Variants in SV2B observed in about 807,000 individuals in gnomAD.
The protein encoded by SV2B is solute carrier family 22 member B2.
A neutral mutation model predicts 73.9 loss-of-function variants in SV2B; 41 were observed. The observed-to-expected ratio is 0.56, with a 90% CI of 0.43 to 0.72. SV2B has a LOEUF of 0.72. Among genes scored for constraint, SV2B ranks in the 30% least tolerant of loss-of-function variants. SV2B has a pLI of 0.00. For missense variants in SV2B, 764 were observed against 857.8 expected (o/e 0.89, Z 1.37); for synonymous variants, 314 against 314.2 (o/e 1.00, Z 0.01).
chr15:91,134,799 C>T (rs114143965), intron 1 of SV2B, among the ~76,000 whole-genome samples: 2,148 of 152,210 alleles, frequency 0.014, 44 homozygotes, highest in African/African-American at 0.05. Context: ...AAAACAACAG[C>T]GACAACAAAA....
At chr15:91,247,942 G>A (rs965576454) in intron 2 of SV2B, among the ~76,000 whole-genome samples, 5 of 152,040 alleles carry the variant, frequency 3.3e-5, no homozygotes, top group Non-Finnish European at 7.4e-5. Flanking sequence ...TTTTTGTTAA[G>A]GATATCTTTA....
rs138553070 is a variant in SV2B, at chr15:91,102,793, T to G, written c.-392+2430T>G. Among the ~76,000 whole-genome samples, 976 of 152,288 alleles carry G rather than the reference T, an allele frequency of 6.4e-3. 10 individuals are homozygous for G. Among genetic ancestry groups the G allele is most frequent in the African/African-American group, 0.021 (871 of 41,550 alleles). On this transcript the variant is annotated intron_variant, in intron 1 of 12. Coordinates refer to ENST00000394232, the MANE Select transcript of SV2B (RefSeq NM_001323032.3). ...AGCTTGGCCAGGGAAGGCTTTTTGGTAAATGACATTTGACCAGACATCTGG... is the reference window on the plus strand; with the variant it reads ...AGCTTGGCCAGGGAAGGCTTTTTGGGAAATGACATTTGACCAGACATCTGG...
chr15:91,144,415 AT>A (rs149575627), intron 1 of SV2B, among the ~76,000 whole-genome samples: 6 of 151,830 alleles, frequency 4.0e-5, no homozygotes, highest in South Asian at 2.1e-4. Flanking sequence ...AACATTCATG[AT>A]TTTTTTTTAA....
chr15:91,284,187 G>T lies in SV2B; in HGVS notation c.1674G>T (p.Leu558=), dbSNP rs1485583189. Residue 558 remains leucine, a synonymous_variant, in exon 11 of 13, where the codon CTG becomes CTT. Coordinates refer to ENST00000394232, the MANE Select transcript of SV2B (RefSeq NM_001323032.3). This position sits in a 1 kb window ranked among gnomAD's most constrained non-coding sequence, Gnocchi z 4.5. ...SVLPGNIISA[L]LMDRIGRLKM... is the part of the protein sequence containing the mutation. ...TACCCGGGAACATCATTTCTGCCCT[G>T]CTCATGGATAGAATTGGAAGGCTCA... 2.5e-6 allele frequency: 4 copies of T among 1,614,098 alleles called. No individual in the cohort carries two copies. The highest frequency in any genetic ancestry group is 3.4e-6 in the Non-Finnish European group (4 of 1,180,050).
rs949704640 is a variant in SV2B at position 91,232,890 on chromosome 15, A to G, written c.451+6176A>G. Among the ~76,000 whole-genome samples the G allele has an allele frequency of 1.3e-5, 2 of 152,138 alleles. No individual in the cohort carries two copies. The highest frequency in any genetic ancestry group is 2.9e-5 in the Non-Finnish European group (2 of 68,016). On this transcript the variant is annotated intron_variant, in intron 2 of 12. Transcript: ENST00000394232. This position sits in a 1 kb window ranked among gnomAD's most constrained non-coding sequence, Gnocchi z 4.7. Reference sequence around the variant, plus strand: ...GCCTCTCCAGTAGTCCCCAGTGTCTATTATTCCCATCTGTATGTCACGAAT... The same window carrying G: ...GCCTCTCCAGTAGTCCCCAGTGTCTGTTATTCCCATCTGTATGTCACGAAT...
rs975536790 is a variant in SV2B, at chr15:91,220,888, G to A, written c.-391-4985G>A. 1.5e-5 allele frequency among the ~76,000 whole-genome samples: 2 copies of A among 130,702 alleles called. No homozygotes were observed. The highest frequency in any genetic ancestry group is 7.5e-5 in the African/African-American group (2 of 26,548). 85.7% of individuals were successfully genotyped at this position (130,702 alleles called of 152,430 possible). ...ATTTTATTTTATTTTTTTGAGACAG[G>A]GGTCTCTCTCTTTCACCCAGGCTGG... On this transcript the variant is annotated intron_variant, in intron 1 of 12. Transcript: ENST00000394232. The surrounding 1 kb of genome is among the most constrained non-coding windows in gnomAD (Gnocchi z 4.1).
intron 1 of SV2B, among the ~76,000 whole-genome samples, chr15:91,131,935 C>T (rs376419195): frequency 1.6e-4 from 25 of 152,292 alleles, no homozygotes; most frequent in African/African-American, 5.5e-4. Flanking sequence ...TGCACTCCAG[C>T]CTGGGCCATA....
chr15:91,205,671 TAAC>T (rs1233139101), intron 1 of SV2B, among the ~76,000 whole-genome samples: 1 of 152,092 alleles, frequency 6.6e-6, no homozygotes, highest in African/African-American at 2.4e-5. Context: ...CTGCCCAGGA[TAAC>T]AACATTTTCA....
intron 1 of SV2B, among the ~76,000 whole-genome samples, chr15:91,135,274 C>T (rs992200273): frequency 1.8e-4 from 28 of 152,156 alleles, no homozygotes; most frequent in South Asian, 4.1e-4. Context: ...GATTATCACC[C>T]TTTTCAAAAA....
Position 91,266,618 on chromosome 15 carries a change from T to G in SV2B, c.1045T>G (p.Phe349Val), listed in dbSNP as rs561238419. The G allele has an allele frequency of 4.3e-6, 7 of 1,614,186 alleles. No individual in the cohort carries two copies. The highest frequency in any genetic ancestry group is 5.9e-6 in the Non-Finnish European group (7 of 1,180,012). ...CAAAACTCCCAAGCAAATGGATGAA[T>G]TCATTGAGATCCAAAGTTCAACAGG... The part of the protein sequence containing the change: ...NIKTPKQMDE[F>V]IEIQSSTGTW... The change falls in exon 7 of 13, where the codon TTC becomes GTC. Residue 349 changes from phenylalanine to valine, a missense_variant. Transcript: ENST00000394232.
chr15:91,192,856 C>T (rs1372296947), intron 1 of SV2B, among the ~76,000 whole-genome samples: 2 of 152,294 alleles, frequency 1.3e-5, no homozygotes, highest in African/African-American at 4.8e-5. Flanking sequence ...CCAAGCTGTG[C>T]TATTTTTCCA....
intron 1 of SV2B, among the ~76,000 whole-genome samples, chr15:91,189,387 A>C (rs2044912361): frequency 6.6e-6 from 1 of 152,100 alleles, no homozygotes. Flanking sequence ...TATGTATTTT[A>C]TATACATAAA....
At chr15:91,221,693 G>GCGCGCGTGCGCACACA (rs370290337) in intron 1 of SV2B, among the ~76,000 whole-genome samples, 1 of 140,068 alleles carries the variant, frequency 7.1e-6, no homozygotes, top group African/African-American at 2.8e-5. Context: ...AAGCATGTGC[G>GCGCGCGTGCGCACACA]CACACACACA....
chr15:91,186,963 A>G (rs1197171946), intron 1 of SV2B, among the ~76,000 whole-genome samples: 1 of 152,186 alleles, frequency 6.6e-6, no homozygotes, highest in Non-Finnish European at 1.5e-5. Flanking sequence ...AAAGAAATTT[A>G]TTTTCAGAGC....
chr15:91,273,235 T>C (rs1004489278), intron 9 of SV2B, among the ~76,000 whole-genome samples: 6 of 152,330 alleles, frequency 3.9e-5, no homozygotes, highest in African/African-American at 1.4e-4. Flanking sequence ...TTCTGGTTTC[T>C]TGATCCCAGA....
At chr15:91,154,679 A>G (rs924354094) in intron 1 of SV2B, among the ~76,000 whole-genome samples, 1 of 152,182 alleles carries the variant, frequency 6.6e-6, no homozygotes, top group Non-Finnish European at 1.5e-5. Flanking sequence ...TTGAATACAG[A>G]GACACACACA....
intron 1 of SV2B, among the ~76,000 whole-genome samples, chr15:91,215,988 T>C (rs1452733635): frequency 2.0e-5 from 3 of 152,230 alleles, no homozygotes; most frequent in Non-Finnish European, 4.4e-5. Flanking sequence ...TTGGTTCTTA[T>C]TTCATAACCA....
At chr15:91,134,204 G>T (rs2141164245) in intron 1 of SV2B, among the ~76,000 whole-genome samples, 1 of 151,958 alleles carries the variant, frequency 6.6e-6, no homozygotes. Context: ...CACCATGTTG[G>T]CCAGGCTAGT....
chr15:91,288,643 TTC>T lies in SV2B; in HGVS notation c.1709-863_1709-862del, dbSNP rs369783225. 6.6e-6 allele frequency among the ~76,000 whole-genome samples: 1 copy of T among 151,332 alleles called. No homozygotes were observed. Among genetic ancestry groups the T allele is most frequent in the Admixed American group, 6.6e-5 (1 of 15,170 alleles). ...CTCTCTCTCTTTCTCTCTTCTTTCT[TTC>T]TCTCTCTCTCTCTCCTTCCTTCCTT... On this transcript the variant is annotated intron_variant, in intron 11 of 12. Coordinates refer to ENST00000394232, the MANE Select transcript of SV2B (RefSeq NM_001323032.3). The surrounding 1 kb of genome is among the most constrained non-coding windows in gnomAD (Gnocchi z 5.8).
Sources: gnomAD v4.1 joint callset for allele counts (sites outside exome capture counted in the v4.1 genomes callset) on GRCh38, gnomAD v4.1.1 for gene constraint, Gnocchi (gnomAD v3.1) non-coding constraint, MANE v1.5 for transcripts, NCBI Gene and HGNC (gene_info 2026-07-23, HGNC 2026-07-21) for gene names.